The following MAML1 variants were observed in gnomAD, a reference collection of about 807,000 sequenced individuals.
MAML1 encodes mastermind-like protein 1.
MAML1 carries 14 observed loss-of-function variants against 77.1 expected under a neutral mutation model. The ratio of observed to expected loss-of-function variants is 0.18; its 90% CI spans 0.12 to 0.28. The LOEUF is 0.28. Among genes scored for constraint, MAML1 ranks in the 10% least tolerant of loss-of-function variants. The pLI is 1.00. For synonymous variants in MAML1, 516 were observed against 551.9 expected (o/e 0.93, Z 0.91); for missense variants, 1,217 against 1,327.8 (o/e 0.92, Z 1.30).
At chr5:179,765,233 C>T (rs2079880081) in intron 1 of MAML1, 93 bp from the exon 2 acceptor site, 12 of 1,078,868 alleles carry the variant, frequency 1.1e-5, no homozygotes, top group Middle Eastern at 2.2e-4. Context: ...AACCCACTGG[C>T]GAGCATTGCA....
rs1755913786 is a variant in MAML1 at position 179,769,202 on chromosome 5, C to T, written c.1971+113C>T. 1 of 1,447,930 alleles carries T rather than the reference C, an allele frequency of 6.9e-7. No homozygotes were observed. Among genetic ancestry groups the T allele is most frequent in the South Asian group, 1.3e-5 (1 of 75,508 alleles). 89.7% of individuals were successfully genotyped at this position (1,447,930 alleles called of 1,614,324 possible). The stretch of plus-strand genomic sequence containing the variant: ...TGTGGATTTGCGCAGACTTGCGTGC[C>T]TGTTGTTAGAGTGCTTTGCCTTTTA... On this transcript the variant is annotated intron_variant, in intron 3 of 4. Transcript: ENST00000292599. This position sits in a 1 kb window ranked among gnomAD's most constrained non-coding sequence, Gnocchi z 4.2.
At chr5:179,745,343 A>T (rs1220282889) in intron 1 of MAML1, among the ~76,000 whole-genome samples, 1 of 152,162 alleles carries the variant, frequency 6.6e-6, no homozygotes, top group African/African-American at 2.4e-5. Flanking sequence ...CCAAAGTAAG[A>T]GTTCTCAGTT....
intron 1 of MAML1, among the ~76,000 whole-genome samples, chr5:179,736,472 C>T (rs959971068): frequency 6.6e-6 from 1 of 151,644 alleles, no homozygotes; most frequent in Admixed American, 6.6e-5. Context: ...AGGATGGTCT[C>T]GATCTCCTGA....
chr5:179,732,864 G>A lies in MAML1; in HGVS notation c.-249G>A, dbSNP rs977811422. 2 of 248,208 alleles carry A rather than the reference G, an allele frequency of 8.1e-6. No individual in the cohort carries two copies. The highest frequency in any genetic ancestry group is 7.9e-5 in the East Asian group (1 of 12,604). The allele number at this position is 248,208 out of a possible 1,614,324, so 15.4% of individuals were successfully genotyped here. A position where few individuals can be genotyped will look rare whatever the true frequency, so the allele number is the denominator to read the frequency against. On this transcript the variant is annotated 5_prime_UTR_variant, in exon 1 of 5. Coordinates refer to ENST00000292599, the MANE Select transcript of MAML1 (RefSeq NM_014757.5). ...TTTTAAGATGGCGGCCGCGGCGGTA[G>A]CGCGGAAAACAATGGGGCCGGGGCG... is the stretch of plus-strand genomic sequence containing the variant.
chr5:179,744,953 G>C (rs1201624273), intron 1 of MAML1, among the ~76,000 whole-genome samples: 1 of 151,000 alleles, frequency 6.6e-6, no homozygotes, highest in African/African-American at 2.4e-5. Flanking sequence ...CCAGGCTGGA[G>C]TGCAGTGGCA....
At chr5:179,773,379 G>A (rs1359845490) in intron 4 of MAML1, among the ~76,000 whole-genome samples, 1 of 152,252 alleles carries the variant, frequency 6.6e-6, no homozygotes, top group Non-Finnish European at 1.5e-5. Context: ...TCCCCAAACT[G>A]TTAAATTGCT....
intron 1 of MAML1, among the ~76,000 whole-genome samples, chr5:179,737,142 T>G (rs62406176): frequency 0.24 from 37,047 of 152,100 alleles, 4,889 homozygotes; most frequent in Non-Finnish European, 0.3. Context: ...TGTCAGTCAT[T>G]CCTTTTGATA....
chr5:179,746,462 T>C (rs1269128873), intron 1 of MAML1, among the ~76,000 whole-genome samples: 2 of 151,762 alleles, frequency 1.3e-5, no homozygotes, highest in Non-Finnish European at 2.9e-5. Flanking sequence ...AACCTCTGCC[T>C]CCCAGGGTTC....
chr5:179,769,071 G>A lies in MAML1; in HGVS notation c.1953G>A (p.Gln651=). The A allele has an allele frequency of 1.2e-6, 2 of 1,614,186 alleles. No individual in the cohort carries two copies. The highest frequency in any genetic ancestry group is 1.7e-6 in the Non-Finnish European group (2 of 1,180,020). Residue 651 remains glutamine, a synonymous_variant, in exon 3 of 5, where the codon CAG becomes CAA. Transcript: ENST00000292599. The surrounding 1 kb of genome is among the most constrained non-coding windows in gnomAD (Gnocchi z 4.2). ...LQQQQFLQRQ[Q]HLLAEQEKQQ... ...AACAGCAGTTCCTTCAGAGGCAACA[G>A]CACCTTCTCGCGGAACAGGTAAAAA... is the stretch of plus-strand genomic sequence containing the variant.
chr5:179,759,447 C>G (rs1411379589), intron 1 of MAML1, among the ~76,000 whole-genome samples: 1 of 152,210 alleles, frequency 6.6e-6, no homozygotes, highest in Non-Finnish European at 1.5e-5. Flanking sequence ...TCATAAGTAA[C>G]TGGAAATGAG....
intron 1 of MAML1, among the ~76,000 whole-genome samples, chr5:179,747,846 T>G (rs1211600073): frequency 7.0e-6 from 1 of 142,236 alleles, no homozygotes. Context: ...AATACTGTTC[T>G]GTGCTGCAAC....
intron 1 of MAML1, among the ~76,000 whole-genome samples, chr5:179,765,043 G>T (rs1392976018): frequency 6.0e-5 from 9 of 149,462 alleles, no homozygotes; most frequent in Non-Finnish European, 8.9e-5. Flanking sequence ...TTTTTTGTTG[G>T]CTCCATTCTT....
chr5:179,756,934 C>T (rs1311133581), intron 1 of MAML1, among the ~76,000 whole-genome samples: 1 of 152,178 alleles, frequency 6.6e-6, no homozygotes, highest in Non-Finnish European at 1.5e-5. Flanking sequence ...GAACCCAGCT[C>T]GGACTGGGTT....
chr5:179,744,343 G>A (rs371929578), intron 1 of MAML1, among the ~76,000 whole-genome samples: 15 of 151,682 alleles, frequency 9.9e-5, no homozygotes, highest in South Asian at 6.2e-4. Flanking sequence ...CTGCCACCAC[G>A]CCTGTCTTAA....
In MAML1 at chr5:179,769,772, T is replaced by C. The variant is rs1437540082; in HGVS notation, c.1971+683T>C. 1.3e-5 allele frequency among the ~76,000 whole-genome samples: 2 copies of C among 152,012 alleles called. No individual in the cohort carries two copies. Among genetic ancestry groups the C allele is most frequent in the Non-Finnish European group, 2.9e-5 (2 of 67,972 alleles). ...TTCACCACGTTGGCCAGGCTGGTCTTGAGCTCCTGACCTCAAGTGATCCAC... is the reference window on the plus strand; with the variant it reads ...TTCACCACGTTGGCCAGGCTGGTCTCGAGCTCCTGACCTCAAGTGATCCAC... On this transcript the variant is annotated intron_variant, in intron 3 of 4. Transcript: ENST00000292599. This position sits in a 1 kb window ranked among gnomAD's most constrained non-coding sequence, Gnocchi z 4.2.
At chr5:179,740,978 C>T (rs1318965548) in intron 1 of MAML1, among the ~76,000 whole-genome samples, 2 of 152,200 alleles carry the variant, frequency 1.3e-5, no homozygotes, top group African/African-American at 2.4e-5. Context: ...TAATACTCTT[C>T]AAATCCCCAG....
chr5:179,735,609 T>C (rs1052990395), intron 1 of MAML1, among the ~76,000 whole-genome samples: 1 of 152,166 alleles, frequency 6.6e-6, no homozygotes, highest in Non-Finnish European at 1.5e-5. Flanking sequence ...CAGGCTGGTC[T>C]CGAACTCCTG....
At chr5:179,747,646 T>G (rs1213465423) in intron 1 of MAML1, among the ~76,000 whole-genome samples, 4 of 151,502 alleles carry the variant, frequency 2.6e-5, no homozygotes, top group Non-Finnish European at 5.9e-5. Context: ...CCGTCTCTAC[T>G]AAAAATACAA....
At chr5:179,764,735 G>A (rs967959393) in intron 1 of MAML1, among the ~76,000 whole-genome samples, 1 of 152,064 alleles carries the variant, frequency 6.6e-6, no homozygotes, top group African/African-American at 2.4e-5. Context: ...GCTGAGACGG[G>A]TGAATCACTT....
Sources: allele counts gnomAD v4.1 joint callset (sites outside exome capture counted in the v4.1 genomes callset), GRCh38; gene constraint gnomAD v4.1.1; non-coding constraint Gnocchi (gnomAD v3.1); transcripts MANE v1.5; gene names NCBI Gene and HGNC (gene_info 2026-07-23, HGNC 2026-07-21).